The following ACTR3C variants were observed in gnomAD, a reference collection of about 807,000 sequenced individuals.
The protein encoded by ACTR3C is actin-related protein 3C.
A neutral mutation model predicts 26.3 loss-of-function variants in ACTR3C; 18 were observed. The ratio of observed to expected loss-of-function variants is 0.68; its 90% confidence interval spans 0.47 to 1.01. The LOEUF (loss-of-function observed/expected upper bound fraction) is 1.01. ACTR3C is among the 50% of genes least tolerant of loss of function. The pLI, the probability that ACTR3C is intolerant of heterozygous loss-of-function variation, is 0.00. For synonymous variants in ACTR3C, 55 were observed against 94.5 expected (o/e 0.58, Z 2.42); for missense variants, 184 against 250.7 (o/e 0.73, Z 1.80).
chr7:150,194,356 T>G, the ACTR3C span, among the ~76,000 whole-genome samples: 1 of 148,784 alleles, frequency 6.7e-6, no homozygotes, highest in Non-Finnish European at 1.5e-5. Context: ...GCAAAAGTCT[T>G]TTATATCAGA....
the ACTR3C span, among the ~76,000 whole-genome samples, chr7:150,209,560 G>A: frequency 6.6e-6 from 1 of 150,386 alleles, no homozygotes; most frequent in African/African-American, 2.5e-5. Flanking sequence ...TTTCACATAT[G>A]GTTATCCACA....
chr7:150,314,047 C>T (rs114349893), intron 1 of ACTR3C, among the ~76,000 whole-genome samples: 2,094 of 152,312 alleles, frequency 0.014, 47 homozygotes, highest in African/African-American at 0.047. Flanking sequence ...CCCTCCAGGG[C>T]GAGTGAGCTT....
the ACTR3C span, among the ~76,000 whole-genome samples, chr7:150,035,260 C>A: frequency 7.4e-3 from 552 of 74,432 alleles, 17 homozygotes; most frequent in Non-Finnish European, 0.012. Context: ...GAACCAGGGG[C>A]TGGCTCTCAG....
the ACTR3C span, among the ~76,000 whole-genome samples, chr7:149,957,706 C>T: frequency 6.6e-6 from 1 of 151,294 alleles, no homozygotes; most frequent in African/African-American, 2.5e-5. Flanking sequence ...TGCAGATGGC[C>T]TGCATGCGAC....
downstream of ACTR3C, chr7:150,243,900 C>A (rs975291621): frequency 4.0e-5 from 6 of 151,500 alleles, no homozygotes; most frequent in African/African-American, 4.8e-5. Flanking sequence ...TGCACTGGGA[C>A]TTTCAAAGAC....
chr7:149,915,829 G>T, the ACTR3C span, among the ~76,000 whole-genome samples: 1 of 150,344 alleles, frequency 6.7e-6, no homozygotes, highest in Non-Finnish European at 1.5e-5. Context: ...ACACAAAAAT[G>T]TTCGGTGAAG....
the ACTR3C span, among the ~76,000 whole-genome samples, chr7:150,040,987 C>T: frequency 2.7e-5 from 4 of 150,428 alleles, no homozygotes; most frequent in Admixed American, 2.0e-4. Flanking sequence ...CCTTTAGCAA[C>T]CCTGTCTAGT....
intron 1 of ACTR3C, among the ~76,000 whole-genome samples, chr7:150,303,472 C>G (rs1276546395): frequency 1.3e-5 from 2 of 152,026 alleles, no homozygotes; most frequent in South Asian, 2.1e-4. Flanking sequence ...TTTTATACTT[C>G]TATTACTTGC....
Position 150,289,503 on chromosome 7 carries a change from T to C in ACTR3C, c.244A>G (p.Arg82Gly). 2 of 1,596,570 alleles carry C rather than the reference T, an allele frequency of 1.3e-6. No individual in the cohort carries two copies. Among genetic ancestry groups the C allele is most frequent in the Non-Finnish European group, 1.7e-6 (2 of 1,171,686 alleles). The change falls in exon 4 of 8, where the codon AGG (arginine) becomes GGG (glycine). Residue 82 changes from arginine (R) to glycine (G), a missense_variant. Arg to Gly is a moderately radical substitution (Grantham distance 125). Coordinates refer to ENST00000683684, the MANE Select transcript of ACTR3C (RefSeq NM_001164458.2). ...TGCTCAGGAGGGATTCCCACCTCCC[T>C]CTCCCTTAGCAGCTGTTGAATGAAA... The part of the protein sequence containing the change: ...TYFIQQLLRE[R>G]EVGIPPEQSL...
chr7:149,998,709 A>G, the ACTR3C span, among the ~76,000 whole-genome samples: 1 of 150,238 alleles, frequency 6.7e-6, no homozygotes, highest in Non-Finnish European at 1.5e-5. Context: ...GGGAGCTACA[A>G]TTCAAGGTGA....
At chr7:150,125,098 T>C in the ACTR3C span, among the ~76,000 whole-genome samples, 2 of 152,186 alleles carry the variant, frequency 1.3e-5, no homozygotes, top group Non-Finnish European at 2.9e-5. Context: ...AATTAAGATG[T>C]AAAGAAAACT....
the ACTR3C span, among the ~76,000 whole-genome samples, chr7:149,983,926 C>G: frequency 6.6e-6 from 1 of 151,962 alleles, no homozygotes; most frequent in Admixed American, 6.5e-5. Flanking sequence ...CAGACTTGTA[C>G]AGAGAGTAGA....
intron 6 of ACTR3C, among the ~76,000 whole-genome samples, chr7:150,267,832 G>A (rs1485881742): frequency 6.6e-6 from 1 of 152,180 alleles, no homozygotes; most frequent in African/African-American, 2.4e-5. Context: ...AAGCAGATGG[G>A]TGCCTTCCTG....
the ACTR3C span, among the ~76,000 whole-genome samples, chr7:149,902,550 GT>G: frequency 2.0e-5 from 1 of 51,170 alleles, no homozygotes; most frequent in African/African-American, 4.4e-5. Context: ...GAGGCCAGGA[GT>G]TTGAGACCAG....
the ACTR3C span, among the ~76,000 whole-genome samples, chr7:149,950,142 T>C: frequency 5.6e-3 from 746 of 133,118 alleles, 7 homozygotes; most frequent in Middle Eastern, 0.011. Context: ...ACTGTCTTTC[T>C]CCGACACAAG....
the ACTR3C span, among the ~76,000 whole-genome samples, chr7:150,068,608 C>T: frequency 7.6e-6 from 1 of 131,606 alleles, no homozygotes. Flanking sequence ...GAAACCCCGT[C>T]TCTACTAAAA....
chr7:150,057,437 G>C, the ACTR3C span, among the ~76,000 whole-genome samples: 1 of 152,042 alleles, frequency 6.6e-6, no homozygotes, highest in Non-Finnish European at 1.5e-5. Context: ...TGCGCCACCA[G>C]AGCTGGCTAA....
the ACTR3C span, among the ~76,000 whole-genome samples, chr7:150,067,026 T>C: frequency 2.6e-5 from 4 of 152,178 alleles, no homozygotes; most frequent in African/African-American, 9.7e-5. Flanking sequence ...TGGTCTAGCT[T>C]ATGGAATCAC....
the ACTR3C span, among the ~76,000 whole-genome samples, chr7:150,236,496 G>A: frequency 6.6e-6 from 1 of 152,286 alleles, no homozygotes; most frequent in Middle Eastern, 3.4e-3. Flanking sequence ...TACATTCCTA[G>A]GACCTATGAT....
Sources: allele counts gnomAD v4.1 joint callset (sites outside exome capture counted in the v4.1 genomes callset), GRCh38; gene constraint gnomAD v4.1.1; transcripts MANE v1.5; gene names NCBI Gene and HGNC (gene_info 2026-07-23, HGNC 2026-07-21).